The following SLC25A26 variants were observed in gnomAD, a reference collection of about 807,000 sequenced individuals.
The protein encoded by SLC25A26 is mitochondrial S-adenosylmethionine carrier protein.
Under a neutral mutation model 37.8 loss-of-function variants are expected in SLC25A26, and 36 were observed. The ratio of observed to expected loss-of-function variants is 0.95; its 90% CI spans 0.73 to 1.26. The LOEUF (loss-of-function observed/expected upper bound fraction) is 1.26. Ranked by LOEUF, SLC25A26 falls within the 50% of genes most tolerant of loss-of-function variation. The pLI is 0.00. For synonymous variants in SLC25A26, 129 were observed against 122.5 expected (o/e 1.05, Z -0.35); for missense variants, 390 against 331.1 (o/e 1.18, Z -1.38).
At chr3:66,276,302 A>G (rs1264978021) in intron 5 of SLC25A26, among the ~76,000 whole-genome samples, 1 of 152,140 alleles carries the variant, frequency 6.6e-6, no homozygotes, top group African/African-American at 2.4e-5. Context: ...TTGGAGGTCA[A>G]GTTTGTATAA....
Position 66,372,449 on chromosome 3 carries a change from C to T in SLC25A26, c.707+1847C>T, listed in dbSNP as rs74858548. Among the ~76,000 whole-genome samples, 975 of 152,248 alleles carry T rather than the reference C, an allele frequency of 6.4e-3. 11 individuals carry two copies. Among genetic ancestry groups the T allele is most frequent in the African/African-American group, 0.022 (930 of 41,550 alleles). On this transcript the variant is annotated intron_variant, in intron 9 of 9. Transcript: ENST00000354883. ...CTTCCCTGTCCTGGTTGTGGCATGT[C>T]TTATACTTGACGTTATAATACTAAG...
chr3:66,369,671 A>C, intron 8 of SLC25A26, 129 bp downstream of exon 8: 1 of 729,410 alleles, frequency 1.4e-6, no homozygotes, highest in Non-Finnish European at 2.3e-6. Flanking sequence ...CTGCCTGTGC[A>C]ACCTCTAACA....
chr3:66,144,231 C>A (rs968762313), intron 1 of SLC25A26, among the ~76,000 whole-genome samples: 46 of 152,092 alleles, frequency 3.0e-4, no homozygotes, highest in African/African-American at 1.1e-3. Flanking sequence ...GCCAAGACTG[C>A]AAGCCTGCAA....
chr3:66,292,973 T>G (rs936245391), intron 5 of SLC25A26: 1 of 152,138 alleles, frequency 6.6e-6, no homozygotes, highest in Non-Finnish European at 1.5e-5. Context: ...TCTTGGAGGC[T>G]TTGTTTGTTC....
intron 5 of SLC25A26, among the ~76,000 whole-genome samples, chr3:66,336,133 A>C (rs200484488): frequency 6.6e-6 from 1 of 152,166 alleles, no homozygotes; most frequent in Non-Finnish European, 1.5e-5. Context: ...TTAAAATGTT[A>C]TTTTTTAGAA....
At chr3:66,180,023 C>A (rs36136074) in intron 1 of SLC25A26, among the ~76,000 whole-genome samples, 92,393 of 151,908 alleles carry the variant, frequency 0.61, 28,295 homozygotes, top group South Asian at 0.72. Flanking sequence ...TAGGGAGATG[C>A]ATTGCAAAAC....
intron 9 of SLC25A26, among the ~76,000 whole-genome samples, chr3:66,373,281 C>T (rs1268968792): frequency 6.6e-6 from 1 of 152,208 alleles, no homozygotes; most frequent in Non-Finnish European, 1.5e-5. Context: ...CTAGAACACG[C>T]TCCTGCTCAA....
At chr3:66,274,378 A>G (rs2074059185) in intron 5 of SLC25A26, among the ~76,000 whole-genome samples, 1 of 152,040 alleles carries the variant, frequency 6.6e-6, no homozygotes, top group South Asian at 2.1e-4. Context: ...AGCAATGGCA[A>G]CAAAAGCCAA....
chr3:66,150,300 C>A (rs1158014367), intron 1 of SLC25A26, among the ~76,000 whole-genome samples: 1 of 151,360 alleles, frequency 6.6e-6, no homozygotes, highest in African/African-American at 2.4e-5. Flanking sequence ...GAGTTCAAGA[C>A]CAGCCTGGCC....
intron 9 of SLC25A26, among the ~76,000 whole-genome samples, chr3:66,373,125 G>A (rs1231662494): frequency 6.6e-6 from 1 of 152,150 alleles, no homozygotes; most frequent in Non-Finnish European, 1.5e-5. Flanking sequence ...CACCCCGGAT[G>A]GCCCCTTTCT....
chr3:66,216,805 C>T (rs1464878980), upstream of SLC25A26, among the ~76,000 whole-genome samples: 2 of 152,044 alleles, frequency 1.3e-5, no homozygotes, highest in Non-Finnish European at 2.9e-5. Context: ...TCAGTGCTTA[C>T]CACATTGCCT....
chr3:66,377,608 T>C lies in SLC25A26; in HGVS notation c.708-82T>C. 24 of 1,089,102 alleles carry C rather than the reference T, an allele frequency of 2.2e-5. No individual in the cohort carries two copies. The South Asian group carries it at 3.1e-4, about 14-fold the overall frequency. 67.5% of individuals were successfully genotyped at this position (1,089,102 alleles called of 1,614,324 possible). ...TTAGCCACTAATGAGCATGGTGTAT[T>C]GAGCTGAGCAAGCTGTGGGTATTGG... is the stretch of plus-strand genomic sequence containing the variant. On this transcript the variant is annotated intron_variant, in intron 9 of 9. Transcript: ENST00000354883.
At chr3:66,251,021 T>C (rs7632929) in intron 3 of SLC25A26, among the ~76,000 whole-genome samples, 20,008 of 152,074 alleles carry the variant, frequency 0.13, 2,200 homozygotes, top group African/African-American at 0.28. Flanking sequence ...AATTTTATTA[T>C]CTTGCATTTA....
chr3:66,160,574 G>A (rs1256378844), intron 1 of SLC25A26, among the ~76,000 whole-genome samples: 1 of 152,194 alleles, frequency 6.6e-6, no homozygotes, highest in Non-Finnish European at 1.5e-5. Flanking sequence ...ATTATTCTAT[G>A]TGCACAATAA....
intron 1 of SLC25A26, among the ~76,000 whole-genome samples, chr3:66,134,150 T>C (rs776414411): frequency 1.3e-5 from 2 of 152,232 alleles, no homozygotes; most frequent in African/African-American, 2.4e-5. Flanking sequence ...GATAACTAGT[T>C]TGACTTGGTC....
intron 5 of SLC25A26, among the ~76,000 whole-genome samples, chr3:66,289,171 G>A (rs546449479): frequency 2.6e-5 from 4 of 152,204 alleles, no homozygotes; most frequent in African/African-American, 9.6e-5. Flanking sequence ...TTTTGATGGG[G>A]TTGTTTGTTT....
rs190919381 is a variant in SLC25A26, at chr3:66,176,101, T to C, written c.-354+42117T>C. Among the ~76,000 whole-genome samples the C allele has an allele frequency of 5.1e-3, 776 of 152,264 alleles. 9 individuals are homozygous for C. The highest frequency in any genetic ancestry group is 0.018 in the African/African-American group (740 of 41,548). ...ACATGATGTTTGGAAAAATGGAATCTTTGAAAAAACACACCTGGCTAATGC... is the reference window on the plus strand; with the variant it reads ...ACATGATGTTTGGAAAAATGGAATCCTTGAAAAAACACACCTGGCTAATGC... On this transcript the variant is annotated intron_variant, in intron 1 of 10. Transcript: ENST00000676754.
At chr3:66,285,051 T>C (rs1234901975) in intron 5 of SLC25A26, among the ~76,000 whole-genome samples, 1 of 152,164 alleles carries the variant, frequency 6.6e-6, no homozygotes, top group Non-Finnish European at 1.5e-5. Flanking sequence ...GAACTTTTGC[T>C]GAGGAAGAGC....
chr3:66,244,790 G>A (rs553120653), intron 3 of SLC25A26, among the ~76,000 whole-genome samples: 5 of 152,028 alleles, frequency 3.3e-5, no homozygotes, highest in African/African-American at 9.6e-5. Flanking sequence ...GGCTAACACC[G>A]TGAAACCCCG....
Sources: gnomAD v4.1 joint callset for allele counts (sites outside exome capture counted in the v4.1 genomes callset) on GRCh38, gnomAD v4.1.1 for gene constraint, MANE v1.5 for transcripts, NCBI Gene and HGNC (gene_info 2026-07-23, HGNC 2026-07-21) for gene names.